GPD1: variants seen among roughly 807,000 people sequenced by gnomAD.
The protein encoded by GPD1 is glycerol-3-phosphate dehydrogenase [NAD(+)], cytoplasmic.
A neutral mutation model predicts 34.4 loss-of-function variants in GPD1; 19 were observed. The ratio of observed to expected loss-of-function variants is 0.55; its 90% CI spans 0.39 to 0.81. GPD1 has a LOEUF of 0.81. Among genes scored for constraint, GPD1 ranks in the 30% least tolerant of loss-of-function variants. The pLI, the probability that GPD1 is intolerant of heterozygous loss-of-function variation, is 0.00. For synonymous variants in GPD1, 172 were observed against 174.1 expected (o/e 0.99, Z 0.09); for missense variants, 429 against 447.0 (o/e 0.96, Z 0.36).
At chr12:50,106,464 A>G in intron 4 of GPD1, 38 bp downstream of exon 4, 1 of 1,586,030 alleles carries the variant, frequency 6.3e-7, no homozygotes, top group African/African-American at 1.3e-5. Flanking sequence ...CAGTGCATCT[A>G]GTTGCATCCC....
intron 2 of GPD1, chr12:50,105,135 C>T (rs1950969415): frequency 3.4e-6 from 1 of 291,966 alleles, no homozygotes; most frequent in African/African-American, 2.1e-5. Flanking sequence ...CGTGGCTCTC[C>T]CCACCTGGAA....
At chr12:50,107,995 T>C (rs903377854) in intron 6 of GPD1, 29 bp from the exon 7 acceptor site, 1 of 1,431,762 alleles carries the variant, frequency 7.0e-7, no homozygotes, top group Admixed American at 1.8e-5. Flanking sequence ...CTCTCCCATT[T>C]CCATCCACTC....
intron 2 of GPD1, chr12:50,105,066 CTGAG>C: frequency 2.7e-6 from 1 of 368,530 alleles, no homozygotes; most frequent in Non-Finnish European, 4.9e-6. Context: ...TACTCATTCA[CTGAG>C]TGAGTAGCCG....
chr12:50,107,482 C>A, intron 5 of GPD1, 85 bp from the exon 6 acceptor site: 1 of 1,028,288 alleles, frequency 9.7e-7, no homozygotes, highest in South Asian at 1.3e-5. Context: ...GTGGGTGTCA[C>A]GGCTGATGAA....
Position 50,104,011 on chromosome 12 carries a change from GA to G in GPD1, c.-39del. The G allele has an allele frequency of 6.2e-7, 1 of 1,611,008 alleles. No individual in the cohort carries two copies. The highest frequency in any genetic ancestry group is 1.3e-5 in the African/African-American group (1 of 74,978). ...GCTCCTAGCCGGCAGAGGAGCTAGG[GA>G]GTGTGGCACTGAGCCGGCTCAGGCA... On this transcript the variant is annotated 5_prime_UTR_variant, in exon 1 of 8. Coordinates refer to ENST00000301149, the MANE Select transcript of GPD1 (RefSeq NM_005276.4).
rs749451142 is a variant in GPD1, at chr12:50,110,703, G to T, written c.*1184G>T. The T allele has an allele frequency of 3.3e-5, 5 of 152,624 alleles. No homozygotes were observed. The highest frequency in any genetic ancestry group is 6.5e-5 in the Admixed American group (1 of 15,284). 9.5% of individuals were successfully genotyped at this position (152,624 alleles called of 1,614,324 possible). ...CTCTTTGCTGAATGAGGGCCTTCTC[G>T]TGAGGTACTGACAACACCAGCAACT... On this transcript the variant is annotated 3_prime_UTR_variant, in exon 8 of 8. Coordinates refer to ENST00000301149, the MANE Select transcript of GPD1 (RefSeq NM_005276.4).
In GPD1 at chr12:50,109,867, G is replaced by A. The variant is rs1344758467; in HGVS notation, c.*348G>A. ...AGAAGGGTTGGGGGAGAGGCCGGTA[G>A]GGCAGGGGCTGCTAGTGGCTGTCTC... is the stretch of plus-strand genomic sequence containing the variant. On this transcript the variant is annotated 3_prime_UTR_variant, in exon 8 of 8. Coordinates refer to ENST00000301149, the MANE Select transcript of GPD1 (RefSeq NM_005276.4). 3.9e-6 allele frequency: 1 copy of A among 256,414 alleles called. No individual in the cohort carries two copies. Among genetic ancestry groups the A allele is most frequent in the Non-Finnish European group, 7.7e-6 (1 of 129,262 alleles). The allele number at this position is 256,414 out of a possible 1,614,324, so 15.9% of individuals were successfully genotyped here.
intron 7 of GPD1, among the ~76,000 whole-genome samples, chr12:50,109,044 A>G (rs1240846805): frequency 6.7e-6 from 1 of 150,322 alleles, no homozygotes; most frequent in Non-Finnish European, 1.5e-5. Flanking sequence ...CTGATGCAGG[A>G]GAATCGCTTG....
rs546717968 is a variant in GPD1 at position 50,104,586 on chromosome 12, C to T, written c.54C>T (p.Ile18=). ...CCCCTCCCACCAGGGGCTCAGCCAT[C>T]GCCAAGATCGTGGGTGGCAATGCAG... ...IVGSGNWGSA[I]AKIVGGNAAQ... Residue 18 remains isoleucine, a synonymous_variant, in exon 2 of 8, where the codon ATC becomes ATT. Transcript: ENST00000301149. 1.5e-5 allele frequency: 24 copies of T among 1,613,218 alleles called. 1 individual carries two copies. Among genetic ancestry groups the T allele is most frequent in the African/African-American group, 6.7e-5 (5 of 75,038 alleles).
chr12:50,106,951 G>A (rs1014997568), intron 5 of GPD1, 34 bp downstream of exon 5: 3 of 1,316,184 alleles, frequency 2.3e-6, no homozygotes, highest in Non-Finnish European at 3.3e-6. Flanking sequence ...ATGGGGTGAG[G>A]AGAAGGCCCC....
chr12:50,107,690 C>T lies in GPD1; in HGVS notation c.736C>T (p.Pro246Ser), dbSNP rs1405454066. 6.2e-7 allele frequency: 1 copy of T among 1,613,860 alleles called. No homozygotes were observed. The highest frequency in any genetic ancestry group is 8.5e-7 in the Non-Finnish European group (1 of 1,179,864). Residue 246 changes from proline to serine, a missense_variant, in exon 6 of 8, where the codon CCT (proline) becomes TCT (serine). Pro to Ser is a moderately conservative substitution (Grantham distance 74). Transcript: ENST00000301149. ...IAFAKLFCSG[P>S]VSSATFLESC... ...CTTCGCCAAGCTCTTCTGCAGTGGC[C>T]CTGTGTCCTCTGCCACCTTCTTGGA...
rs531580958 is a variant in GPD1, at chr12:50,104,596, G to A, written c.64G>A (p.Val22Met). The A allele has an allele frequency of 1.5e-5, 24 of 1,613,794 alleles. No homozygotes were observed. The highest frequency in any genetic ancestry group is 1.1e-4 in the East Asian group (5 of 44,878). ...CAGGGGCTCAGCCATCGCCAAGATC[G>A]TGGGTGGCAATGCAGCCCAGCTGGC... ...GNWGSAIAKIVGGNAAQLAQF... is the reference protein window; with the variant it reads ...GNWGSAIAKIMGGNAAQLAQF... Residue 22 changes from valine to methionine, a missense_variant, in exon 2 of 8, where the codon GTG becomes ATG. Transcript: ENST00000301149.
rs1459402603 is a variant in GPD1, at chr12:50,108,095, A to G, written c.918A>G (p.Leu306=). The change falls in exon 7 of 8, where the codon CTA becomes CTG. Residue 306 remains leucine, a synonymous_variant. Coordinates refer to ENST00000301149, the MANE Select transcript of GPD1 (RefSeq NM_005276.4). ...KLQGPETARE[L]YSILQHKGLV... is the part of the protein sequence containing the mutation. ...AGGGGCCCGAGACAGCCCGGGAGCT[A>G]TACAGCATCCTCCAGCACAAGGGCC... is the stretch of plus-strand genomic sequence containing the variant. 1 of 1,611,856 alleles carries G rather than the reference A, an allele frequency of 6.2e-7. No homozygotes were observed. The highest frequency in any genetic ancestry group is 1.7e-5 in the Admixed American group (1 of 59,962).
chr12:50,105,296 T>C (rs1051873631), intron 2 of GPD1: 5 of 544,046 alleles, frequency 9.2e-6, no homozygotes, highest in African/African-American at 1.9e-5. Context: ...AGCCAAGGGA[T>C]AGGAGAGTGC....
At chr12:50,106,145 C>G in intron 3 of GPD1, 143 bp from the exon 4 acceptor site, 2 of 724,292 alleles carry the variant, frequency 2.8e-6, no homozygotes, top group Middle Eastern at 3.5e-4. Context: ...CTCCTCACAG[C>G]AAACTTGAGC....
chr12:50,107,521 C>A, intron 5 of GPD1, 46 bp from the exon 6 acceptor site: 1 of 1,401,080 alleles, frequency 7.1e-7, no homozygotes, highest in Non-Finnish European at 1.0e-6. Context: ...CACATGGGGC[C>A]TATAGGAGGG....
chr12:50,104,513 T>C (rs1293994921), intron 1 of GPD1, 61 bp from the exon 2 acceptor site: 6 of 1,299,670 alleles, frequency 4.6e-6, no homozygotes, highest in Non-Finnish European at 6.7e-6. Flanking sequence ...GGTGGGGCGC[T>C]GCCCCAACTC....
chr12:50,107,192 G>C (rs1270190024), intron 5 of GPD1: 1 of 661,956 alleles, frequency 1.5e-6, no homozygotes. Flanking sequence ...AGGTGGTCCA[G>C]GGGGACAAGG....
chr12:50,106,693 G>C, intron 4 of GPD1, 112 bp from the exon 5 acceptor site: 1 of 705,616 alleles, frequency 1.4e-6, no homozygotes, highest in East Asian at 2.7e-5. Context: ...GATCGCTTAA[G>C]CCCAGGAGTT....
Sources: allele counts gnomAD v4.1 joint callset (sites outside exome capture counted in the v4.1 genomes callset), GRCh38; gene constraint gnomAD v4.1.1; transcripts MANE v1.5; gene names NCBI Gene and HGNC (gene_info 2026-07-23, HGNC 2026-07-21).